Variants in PPP1R13B observed in about 807,000 individuals in gnomAD.
The protein encoded by PPP1R13B is apoptosis-stimulating of p53 protein 1.
In PPP1R13B, 44 loss-of-function variants were observed where a neutral mutation model predicts 119.8. That is an observed-to-expected ratio of 0.37 (90% confidence interval 0.29 to 0.47). The LOEUF (loss-of-function observed/expected upper bound fraction) is 0.47, where lower values mean the gene tolerates loss of function less well. PPP1R13B is among the 20% of genes least tolerant of loss of function. PPP1R13B has a pLI of 0.99. For synonymous variants in PPP1R13B, 542 were observed against 561.5 expected, an observed-to-expected ratio of 0.97 and a Z score of 0.49; for missense variants, 1,227 against 1,413.5, an observed-to-expected ratio of 0.87 and a Z score of 2.12.
rs770611649 is a variant in PPP1R13B at position 103,739,842 on chromosome 14, G to A, written c.2574C>T (p.His858=). ...CACCCACCGTGGAGGTGGCAGGAGGGTGGCTGGCAGGGGGAAGAGGTGCTG... is the reference window on the plus strand; with the variant it reads ...CACCCACCGTGGAGGTGGCAGGAGGATGGCTGGCAGGGGGAAGAGGTGCTG... ...VPPAPLPPAS[H]PPATSTNKRT... Residue 858 remains histidine (H), a synonymous_variant, in exon 12 of 17, where the codon CAC becomes CAT. Coordinates refer to ENST00000202556, the MANE Select transcript of PPP1R13B (RefSeq NM_015316.3). The A allele has an allele frequency of 6.2e-7, 1 of 1,608,872 alleles. No homozygotes were observed. The highest frequency in any genetic ancestry group is 8.5e-7 in the Non-Finnish European group (1 of 1,176,448).
At chr14:103,735,344 C>T in intron 16 of PPP1R13B, 149 bp from the exon 17 acceptor site, 1 of 735,608 alleles carries the variant, frequency 1.4e-6, no homozygotes, top group East Asian at 2.6e-5. Context: ...CACCTCTACA[C>T]TGAGACCCAC....
chr14:103,791,843 A>G (rs2085629925), intron 2 of PPP1R13B, among the ~76,000 whole-genome samples: 1 of 152,192 alleles, frequency 6.6e-6, no homozygotes, highest in Non-Finnish European at 1.5e-5. Context: ...AAGCAAGTGT[A>G]TTGGCCTTTT....
At chr14:103,756,801 C>T (rs1288277260) in intron 5 of PPP1R13B, among the ~76,000 whole-genome samples, 1 of 152,014 alleles carries the variant, frequency 6.6e-6, no homozygotes, top group African/African-American at 2.4e-5. Context: ...CTCTGTTGCT[C>T]AGGCTAGAGT....
rs1225923376 is a variant in PPP1R13B, at chr14:103,829,337, C to T, written c.9+17962G>A. Among the ~76,000 whole-genome samples the T allele has an allele frequency of 2.0e-5, 3 of 152,134 alleles. No homozygotes were observed. The South Asian group carries it at 6.2e-4, about 31-fold the overall frequency. On this transcript the variant is annotated intron_variant, in intron 1 of 16. Transcript: ENST00000202556. Reference sequence around the variant, plus strand: ...TTTTTTCTTCACCTGTGAAAACTTGCTAAATGCCTATGTGAAATTAAGCAA... The same window carrying T: ...TTTTTTCTTCACCTGTGAAAACTTGTTAAATGCCTATGTGAAATTAAGCAA...
At position 103,758,684 on chromosome 14, in the gene PPP1R13B, T is replaced by G. The variant is rs73365043; in HGVS notation, c.355-933A>C. On this transcript the variant is annotated intron_variant, in intron 4 of 16. Transcript: ENST00000202556. Reference sequence around the variant, plus strand: ...AGGAGCATGCCTAGAGGCACGCAGCTCATTAAAGCCCTAGAGCTCCATTCT... The same window carrying G: ...AGGAGCATGCCTAGAGGCACGCAGCGCATTAAAGCCCTAGAGCTCCATTCT... Among the ~76,000 whole-genome samples the G allele has an allele frequency of 9.4e-3, 1,431 of 152,274 alleles. 27 individuals carry two copies. The highest frequency in any genetic ancestry group is 0.032 in the African/African-American group (1,329 of 41,548).
At chr14:103,802,240 C>A (rs1371955831) in intron 1 of PPP1R13B, among the ~76,000 whole-genome samples, 1 of 151,940 alleles carries the variant, frequency 6.6e-6, no homozygotes, top group African/African-American at 2.4e-5. Context: ...ACCCGGGAGG[C>A]GGAGCTTGCA....
intron 1 of PPP1R13B, among the ~76,000 whole-genome samples, chr14:103,845,344 G>C (rs531381872): frequency 6.6e-6 from 1 of 152,282 alleles, no homozygotes; most frequent in African/African-American, 2.4e-5. Context: ...CCTACAAGTA[G>C]TATTTTTAGG....
At chr14:103,831,260 T>A (rs2086658959) in intron 1 of PPP1R13B, among the ~76,000 whole-genome samples, 1 of 151,744 alleles carries the variant, frequency 6.6e-6, no homozygotes, top group South Asian at 2.1e-4. Flanking sequence ...ATATTTTTTA[T>A]ATAATGAGTT....
chr14:103,822,018 T>TA (rs1336824558), intron 1 of PPP1R13B, among the ~76,000 whole-genome samples: 4 of 152,068 alleles, frequency 2.6e-5, no homozygotes, highest in Non-Finnish European at 5.9e-5. Flanking sequence ...GGACAACAGG[T>TA]AAAACCAAGA....
chr14:103,793,400 G>A (rs951865609), intron 2 of PPP1R13B, among the ~76,000 whole-genome samples: 8 of 152,070 alleles, frequency 5.3e-5, no homozygotes. Flanking sequence ...GGTTTTAGAA[G>A]GGGCTCTTCC....
Position 103,746,378 on chromosome 14 carries a change from T to G in PPP1R13B, c.1145A>C (p.Lys382Thr). ...AGAGGGCCAGGACCACTCACCGGATTTGGATCTTCCATGAGCAGCATTTGA... is the reference window on the plus strand; with the variant it reads ...AGAGGGCCAGGACCACTCACCGGATGTGGATCTTCCATGAGCAGCATTTGA... ...IASNAAHGRSKSANDGNWPTL... is the reference protein window; with the variant it reads ...IASNAAHGRSTSANDGNWPTL... The change falls in exon 9 of 17, where the codon AAA (lysine) becomes ACA (threonine). Residue 382 changes from lysine (K) to threonine (T), a missense_variant. Lys to Thr is a moderately conservative substitution (Grantham distance 78). Coordinates refer to ENST00000202556, the MANE Select transcript of PPP1R13B (RefSeq NM_015316.3). 1 of 1,587,154 alleles carries G rather than the reference T, an allele frequency of 6.3e-7. No individual in the cohort carries two copies. The highest frequency in any genetic ancestry group is 8.6e-7 in the Non-Finnish European group (1 of 1,163,494).
intron 1 of PPP1R13B, among the ~76,000 whole-genome samples, chr14:103,811,449 A>C (rs893770784): frequency 6.6e-6 from 1 of 152,118 alleles, no homozygotes; most frequent in Non-Finnish European, 1.5e-5. Flanking sequence ...GCATTTTGGG[A>C]GGCTAAGATG....
At chr14:103,799,624 T>TG (rs1201492143) in intron 1 of PPP1R13B, among the ~76,000 whole-genome samples, 2 of 150,274 alleles carry the variant, frequency 1.3e-5, no homozygotes, top group Admixed American at 6.6e-5. Flanking sequence ...TTTGTTTTTT[T>TG]TTTTTTTAAT....
intron 4 of PPP1R13B, among the ~76,000 whole-genome samples, chr14:103,766,136 A>G (rs1280750466): frequency 6.6e-6 from 1 of 150,992 alleles, no homozygotes; most frequent in East Asian, 2.0e-4. Context: ...AGCCTCCCGA[A>G]TAGCTGGGAC....
At chr14:103,757,117 C>A (rs1420793176) in intron 5 of PPP1R13B, among the ~76,000 whole-genome samples, 1 of 150,442 alleles carries the variant, frequency 6.6e-6, no homozygotes, top group Non-Finnish European at 1.5e-5. Context: ...GGCTGGAATG[C>A]AGTGGCATGA....
rs749975068 is a variant in PPP1R13B at position 103,806,441 on chromosome 14, TG to T, written c.10-8924del. Among the ~76,000 whole-genome samples, 190 of 152,306 alleles carry T rather than the reference TG, an allele frequency of 1.2e-3. 1 individual carries two copies. Among genetic ancestry groups the T allele is most frequent in the Non-Finnish European group, 2.2e-3 (147 of 68,032 alleles). On this transcript the variant is annotated intron_variant, in intron 1 of 16. Coordinates refer to ENST00000202556, the MANE Select transcript of PPP1R13B (RefSeq NM_015316.3). The stretch of plus-strand genomic sequence containing the variant: ...TTTTAGTAACTTGCAATAACTCACT[TG>T]GTAGGTTATGAGTAAATAGCTCATA...
chr14:103,826,317 A>G (rs2086541046), intron 1 of PPP1R13B, among the ~76,000 whole-genome samples: 1 of 152,194 alleles, frequency 6.6e-6, no homozygotes, highest in African/African-American at 2.4e-5. Context: ...CCCAGGATAT[A>G]ACTACTTCCC....
chr14:103,769,728 T>C (rs1052459055), intron 4 of PPP1R13B, among the ~76,000 whole-genome samples: 1 of 152,236 alleles, frequency 6.6e-6, no homozygotes, highest in African/African-American at 2.4e-5. Flanking sequence ...TATCTTCTGG[T>C]TTGAAGAGTA....
chr14:103,746,052 C>T (rs558733853), intron 9 of PPP1R13B, among the ~76,000 whole-genome samples: 26 of 152,322 alleles, frequency 1.7e-4, no homozygotes, highest in South Asian at 6.2e-4. Context: ...GTGATCCACC[C>T]GCCTTGGCCT....
Sources: allele counts gnomAD v4.1 joint callset (sites outside exome capture counted in the v4.1 genomes callset), GRCh38; gene constraint gnomAD v4.1.1; transcripts MANE v1.5; gene names NCBI Gene and HGNC (gene_info 2026-07-23, HGNC 2026-07-21).